Variants in IQCJ observed in about 807,000 individuals in gnomAD.
IQCJ encodes the protein IQ motif containing J.
IQCJ carries 9 observed loss-of-function variants against 11.0 expected under a neutral mutation model. That is an observed-to-expected ratio of 0.82 (90% confidence interval 0.49 to 1.43). The LOEUF is 1.43. Among genes scored for constraint, IQCJ ranks in the 40% most tolerant of loss-of-function variants. The pLI, the probability that IQCJ is intolerant of heterozygous loss-of-function variation, is 0.00. For missense variants in IQCJ, 146 were observed against 133.2 expected (o/e 1.10, Z -0.47); for synonymous variants, 55 against 51.3 (o/e 1.07, Z -0.31).
intron 1 of IQCJ, among the ~76,000 whole-genome samples, chr3:159,103,242 A>G (rs1320816899): frequency 6.6e-6 from 1 of 152,260 alleles, no homozygotes; most frequent in East Asian, 1.9e-4. Context: ...TAAAACGTAT[A>G]CACAATATTT....
chr3:159,262,745 G>T lies in IQCJ; in HGVS notation c.*14G>T, dbSNP rs776140887. ...ACATTCAACTGAAAGCCTAGACTTT[G>T]GTTCTAAGAGAGAAATCTTGGGATG... is the stretch of plus-strand genomic sequence containing the variant. On this transcript the variant is annotated 3_prime_UTR_variant, in exon 4 of 4. Transcript: ENST00000397832. 2 of 1,606,366 alleles carry T rather than the reference G, an allele frequency of 1.2e-6. No homozygotes were observed. The highest frequency in any genetic ancestry group is 2.2e-5 in the East Asian group (1 of 44,700).
At chr3:159,110,425 A>G (rs1330895372) in intron 1 of IQCJ, among the ~76,000 whole-genome samples, 2 of 152,208 alleles carry the variant, frequency 1.3e-5, no homozygotes, top group African/African-American at 4.8e-5. Context: ...ATCTTTCCCC[A>G]CTTGGTCTTC....
intron 1 of IQCJ, among the ~76,000 whole-genome samples, chr3:159,094,422 CTTTTTTT>C (rs71302258): frequency 2.8e-5 from 2 of 71,714 alleles, no homozygotes; most frequent in African/African-American, 6.0e-5. Flanking sequence ...ACAGGATCTG[CTTTTTTT>C]TTTTTTTTTT....
downstream of IQCJ, chr3:159,265,907 C>G (rs1182234445): frequency 1.3e-5 from 2 of 152,904 alleles, no homozygotes; most frequent in Non-Finnish European, 2.9e-5. Context: ...CTGTGTGGAG[C>G]TGATAATGAT....
At position 159,181,142 on chromosome 3, in the gene IQCJ, G is replaced by A. The variant is rs1350869754; in HGVS notation, c.10-64701G>A. On this transcript the variant is annotated intron_variant, in intron 1 of 3. Transcript: ENST00000397832. ...TGGAACCTGCCTGGGCAATGGAAAC[G>A]AACACCATGTCTGGTGGACATGTTT... Among the ~76,000 whole-genome samples, 6 of 151,726 alleles carry A rather than the reference G, an allele frequency of 4.0e-5. No individual in the cohort carries two copies. In the South Asian group the frequency reaches 1.2e-3, roughly 32 times the overall value.
At chr3:159,131,023 G>A (rs1719959054) in intron 1 of IQCJ, among the ~76,000 whole-genome samples, 1 of 152,076 alleles carries the variant, frequency 6.6e-6, no homozygotes, top group Admixed American at 6.6e-5. Context: ...GAAAGAATTT[G>A]GGAAGAACAG....
rs566777105 is a variant in IQCJ, at chr3:159,094,015, T to A, written c.9+24574T>A. Among the ~76,000 whole-genome samples, 37 of 151,940 alleles carry A rather than the reference T, an allele frequency of 2.4e-4. 2 individuals carry two copies. Among genetic ancestry groups the A allele is most frequent in the African/African-American group, 9.0e-4 (37 of 41,230 alleles). On this transcript the variant is annotated intron_variant, in intron 1 of 3. Coordinates refer to ENST00000397832, the MANE Select transcript of IQCJ (RefSeq NM_001042706.3). ...TCAGCCAGTAAGAAGCCTTTGTCAG[T>A]CATACAGGTAATTAGTTGGTTAGTG...
intron 1 of IQCJ, among the ~76,000 whole-genome samples, chr3:159,140,990 C>T (rs1035821483): frequency 6.6e-5 from 10 of 152,252 alleles, no homozygotes; most frequent in African/African-American, 2.2e-4. Flanking sequence ...GACTGCTATT[C>T]GGTATAAACA....
intron 1 of IQCJ, chr3:159,069,878 T>TGC: frequency 2.9e-6 from 1 of 349,996 alleles, no homozygotes; most frequent in African/African-American, 2.2e-5. Context: ...TGTGTGTGTG[T>TGC]GTGTGTGTGC....
intron 1 of IQCJ, among the ~76,000 whole-genome samples, chr3:159,183,393 C>A (rs1430120657): frequency 1.3e-5 from 2 of 152,160 alleles, no homozygotes; most frequent in Middle Eastern, 3.4e-3. Flanking sequence ...GGAGTAATGT[C>A]TCCCTTCTTC....
chr3:159,086,046 T>A (rs1716739244), intron 1 of IQCJ, among the ~76,000 whole-genome samples: 1 of 152,230 alleles, frequency 6.6e-6, no homozygotes, highest in Admixed American at 6.5e-5. Flanking sequence ...TTTTATGGTT[T>A]TAGATCTAAC....
At chr3:159,079,605 T>C (rs1296848234) in intron 1 of IQCJ, among the ~76,000 whole-genome samples, 1 of 152,098 alleles carries the variant, frequency 6.6e-6, no homozygotes, top group Non-Finnish European at 1.5e-5. Flanking sequence ...ATATAGCCAT[T>C]GAAACTTTAA....
intron 1 of IQCJ, among the ~76,000 whole-genome samples, chr3:159,147,166 G>T (rs1720968010): frequency 6.6e-6 from 1 of 152,178 alleles, no homozygotes; most frequent in Non-Finnish European, 1.5e-5. Flanking sequence ...TCAAAATGAG[G>T]TTCCATTTGA....
chr3:159,076,784 A>T lies in IQCJ; in HGVS notation c.9+7343A>T, dbSNP rs182892045. Among the ~76,000 whole-genome samples, 363 of 152,194 alleles carry T rather than the reference A, an allele frequency of 2.4e-3. 1 individual carries two copies. Among genetic ancestry groups the T allele is most frequent in the Admixed American group, 0.016 (244 of 15,282 alleles). On this transcript the variant is annotated intron_variant, in intron 1 of 3. Coordinates refer to ENST00000397832, the MANE Select transcript of IQCJ (RefSeq NM_001042706.3). ...ACAGAATGCATAAGTGGATAAAAGC[A>T]CCTGACCCTGGACCCAAACTTCCTA... is the stretch of plus-strand genomic sequence containing the variant.
intron 1 of IQCJ, among the ~76,000 whole-genome samples, chr3:159,118,439 C>T (rs1417895752): frequency 6.6e-6 from 1 of 152,232 alleles, no homozygotes; most frequent in Non-Finnish European, 1.5e-5. Flanking sequence ...TTTATGAATG[C>T]TTACAACCTT....
At chr3:159,117,456 A>G (rs1353226102) in intron 1 of IQCJ, among the ~76,000 whole-genome samples, 1 of 152,212 alleles carries the variant, frequency 6.6e-6, no homozygotes, top group Non-Finnish European at 1.5e-5. Context: ...TTTCCCGTTT[A>G]GTCCTTTCAC....
At chr3:159,195,361 G>A (rs1405244213) in intron 1 of IQCJ, among the ~76,000 whole-genome samples, 3 of 152,174 alleles carry the variant, frequency 2.0e-5, no homozygotes, top group African/African-American at 7.2e-5. Flanking sequence ...TGGTGGCCAA[G>A]AGAGGAGATG....
chr3:159,212,610 C>T (rs1391011898), intron 1 of IQCJ, among the ~76,000 whole-genome samples: 6 of 152,162 alleles, frequency 3.9e-5, no homozygotes. Context: ...TTTTAATTTA[C>T]CACTCATATT....
At chr3:159,233,254 G>A (rs1726372624) in intron 1 of IQCJ, among the ~76,000 whole-genome samples, 1 of 152,142 alleles carries the variant, frequency 6.6e-6, no homozygotes, top group Admixed American at 6.5e-5. Flanking sequence ...TTGGTATGAA[G>A]TCCTGCCAGG....
Sources: allele counts gnomAD v4.1 joint callset (sites outside exome capture counted in the v4.1 genomes callset), GRCh38; gene constraint gnomAD v4.1.1; transcripts MANE v1.5; gene names NCBI Gene and HGNC (gene_info 2026-07-23, HGNC 2026-07-21).